LDLRAD4: variants seen among roughly 807,000 people sequenced by gnomAD.
LDLRAD4 encodes the protein low density lipoprotein receptor class A domain containing 4, also known as low-density lipoprotein receptor class A domain-containing protein 4.
Under a neutral mutation model 17.0 loss-of-function variants are expected in LDLRAD4, and 5 were observed. The observed-to-expected ratio is 0.29, with a 90% CI of 0.15 to 0.62. The LOEUF (loss-of-function observed/expected upper bound fraction) is 0.62, where lower values mean the gene tolerates loss of function less well. LDLRAD4 is among the 20% of genes least tolerant of loss of function. The probability of loss-of-function intolerance (pLI) is 0.84; values close to 1 mark genes in which losing one functional copy is unlikely to be tolerated. For missense variants in LDLRAD4, 340 were observed against 424.7 expected (o/e 0.80, Z 1.75); for synonymous variants, 168 against 171.8 (o/e 0.98, Z 0.17).
At chr18:13,590,391 C>T (rs2095005226) in intron 3 of LDLRAD4, among the ~76,000 whole-genome samples, 1 of 152,050 alleles carries the variant, frequency 6.6e-6, no homozygotes, top group South Asian at 2.1e-4. Flanking sequence ...TGTGCGCCTG[C>T]ACACGGAGAG....
chr18:13,452,425 G>T (rs1490623966), intron 3 of LDLRAD4, among the ~76,000 whole-genome samples: 2 of 152,138 alleles, frequency 1.3e-5, no homozygotes, highest in African/African-American at 2.4e-5. Flanking sequence ...AGCAAAGGTG[G>T]TGGGTGCACT....
intron 1 of LDLRAD4, among the ~76,000 whole-genome samples, chr18:13,323,256 C>T (rs1008419758): frequency 1.3e-5 from 2 of 152,254 alleles, no homozygotes; most frequent in African/African-American, 2.4e-5. Context: ...GTGCCTTGGC[C>T]TCCCAAGTAG....
chr18:13,364,393 G>A (rs1009381237), intron 1 of LDLRAD4, among the ~76,000 whole-genome samples: 50 of 151,952 alleles, frequency 3.3e-4, no homozygotes, highest in African/African-American at 1.0e-3. Context: ...GCTGAAGTGC[G>A]GTGGTGTGGT....
intron 1 of LDLRAD4, among the ~76,000 whole-genome samples, chr18:13,242,403 G>T (rs545277598): frequency 6.6e-6 from 1 of 152,184 alleles, no homozygotes; most frequent in African/African-American, 2.4e-5. Flanking sequence ...CGGGGTGATC[G>T]GGTGATTAGT....
intron 3 of LDLRAD4, among the ~76,000 whole-genome samples, chr18:13,536,466 T>C (rs1228861775): frequency 6.6e-6 from 1 of 152,230 alleles, no homozygotes; most frequent in Non-Finnish European, 1.5e-5. Flanking sequence ...ATAAACCCTG[T>C]ATTCTGTGAC....
intron 1 of LDLRAD4, among the ~76,000 whole-genome samples, chr18:13,324,969 A>G (rs1009010347): frequency 6.6e-6 from 1 of 152,208 alleles, no homozygotes; most frequent in Non-Finnish European, 1.5e-5. Flanking sequence ...TCTCTTGTTC[A>G]GTAAATCTGC....
At chr18:13,407,080 G>A (rs2145624842) in intron 2 of LDLRAD4, among the ~76,000 whole-genome samples, 1 of 152,326 alleles carries the variant, frequency 6.6e-6, no homozygotes, top group South Asian at 2.1e-4. Context: ...GTGGCGGTAT[G>A]CATTTTAAGC....
chr18:13,510,024 T>G (rs764138161), intron 3 of LDLRAD4, among the ~76,000 whole-genome samples: 1 of 152,240 alleles, frequency 6.6e-6, no homozygotes, highest in African/African-American at 2.4e-5. Flanking sequence ...AACTTTTATA[T>G]GCACTGGGAA....
exon 6 of LDLRAD4, chr18:13,650,006 A>C (rs1478076225): frequency 2.5e-6 from 1 of 398,510 alleles, no homozygotes; most frequent in Non-Finnish European, 4.4e-6. Context: ...TGTTGCTTCC[A>C]GCCCAGATCC....
chr18:13,292,756 A>G (rs1330795171), intron 1 of LDLRAD4, among the ~76,000 whole-genome samples: 1 of 152,220 alleles, frequency 6.6e-6, no homozygotes, highest in Non-Finnish European at 1.5e-5. Flanking sequence ...TTTGCAATTA[A>G]TGAGGCAGCA....
intron 3 of LDLRAD4, among the ~76,000 whole-genome samples, chr18:13,608,626 A>G (rs1766518249): frequency 6.6e-6 from 1 of 152,146 alleles, no homozygotes; most frequent in Admixed American, 6.5e-5. Context: ...CTTTTTGGCC[A>G]TTCAGGACAG....
rs1056716729 is a variant in LDLRAD4 at position 13,619,572 on chromosome 18, C to A, written c.182-1545C>A. On this transcript the variant is annotated intron_variant, in intron 3 of 5. Transcript: ENST00000359446. ...GGCAGCTCCAATGGACATTTCCTCC[C>A]CATAGGAAGTAGACACTCAAACCCC... Among the ~76,000 whole-genome samples the A allele has an allele frequency of 5.3e-5, 8 of 151,856 alleles. 1 individual carries two copies. The East Asian group carries it at 1.6e-3, about 30-fold the overall frequency.
chr18:13,357,775 C>G (rs931860400), intron 1 of LDLRAD4, among the ~76,000 whole-genome samples: 2 of 152,164 alleles, frequency 1.3e-5, no homozygotes, highest in Admixed American at 1.3e-4. Context: ...ACATGCTTCC[C>G]TTCATCTACC....
chr18:13,499,982 A>G (rs2093585378), intron 3 of LDLRAD4, among the ~76,000 whole-genome samples: 3 of 152,108 alleles, frequency 2.0e-5, no homozygotes, highest in Admixed American at 2.0e-4. Context: ...TCCTCTCCAG[A>G]GTGTTACCTT....
rs1172901724 is a variant in LDLRAD4 at position 13,622,549 on chromosome 18, T to G, written c.336+1278T>G. On this transcript the variant is annotated intron_variant, in intron 4 of 5. Transcript: ENST00000359446. This position sits in a 1 kb window ranked among gnomAD's most constrained non-coding sequence, Gnocchi z 5.3. ...AGTCCACAAGCCCCTCTGGCCCTGT[T>G]GTGTTACTTTCCTCGAGCCTCCACA... Among the ~76,000 whole-genome samples the G allele has an allele frequency of 6.6e-6, 1 of 152,168 alleles. No individual in the cohort carries two copies. The highest frequency in any genetic ancestry group is 2.4e-5 in the African/African-American group (1 of 41,438).
At chr18:13,447,244 C>T (rs1464387614) in intron 3 of LDLRAD4, among the ~76,000 whole-genome samples, 4 of 151,366 alleles carry the variant, frequency 2.6e-5, no homozygotes, top group East Asian at 2.0e-4. Context: ...TCTCTGGGTT[C>T]GCCACGGGAT....
intron 2 of LDLRAD4, among the ~76,000 whole-genome samples, chr18:13,410,588 G>A (rs2088244683): frequency 6.6e-6 from 1 of 152,188 alleles, no homozygotes; most frequent in Non-Finnish European, 1.5e-5. Context: ...ATTAATGGAT[G>A]GAAACATAGC....
chr18:13,623,460 T>G (rs1383238810), intron 4 of LDLRAD4, among the ~76,000 whole-genome samples: 1 of 152,244 alleles, frequency 6.6e-6, no homozygotes, highest in Non-Finnish European at 1.5e-5. Flanking sequence ...CCGAGCTATT[T>G]CTCCTTTTTT....
chr18:13,236,372 C>T (rs9958724), intron 1 of LDLRAD4: 66,385 of 144,564 alleles, frequency 0.46, 15,579 homozygotes, highest in African/African-American at 0.59. Context: ...TGCAGTAGTG[C>T]GATCTCGGCA....
Sources: allele counts gnomAD v4.1 joint callset (sites outside exome capture counted in the v4.1 genomes callset), GRCh38; gene constraint gnomAD v4.1.1; non-coding constraint Gnocchi (gnomAD v3.1); transcripts MANE v1.5; gene names NCBI Gene and HGNC (gene_info 2026-07-23, HGNC 2026-07-21).